Variants in PRKDC observed in about 807,000 individuals in gnomAD.
PRKDC encodes protein kinase, DNA-activated, catalytic subunit, also known as DNA-dependent protein kinase catalytic subunit.
PRKDC carries 82 observed loss-of-function variants against 486.9 expected under a neutral mutation model. The ratio of observed to expected loss-of-function variants is 0.17; its 90% CI spans 0.14 to 0.20. The LOEUF (loss-of-function observed/expected upper bound fraction) is 0.20, where lower values mean the gene tolerates loss of function less well. Among genes scored for constraint, PRKDC ranks in the 10% least tolerant of loss-of-function variants. PRKDC has a pLI of 1.00. For missense variants in PRKDC, 4,504 were observed against 5,038.2 expected (o/e 0.89, Z 3.21); for synonymous variants, 1,895 against 1,837.0 (o/e 1.03, Z -0.81).
chr8:47,927,167 A>ACACAT, intron 21 of PRKDC, 27 bp downstream of exon 21: 2 of 1,602,450 alleles, frequency 1.2e-6, no homozygotes, highest in South Asian at 2.2e-5. Context: ...TAATTACAAT[A>ACACAT]CACATCACAA....
intron 32 of PRKDC, among the ~76,000 whole-genome samples, chr8:47,889,817 T>C (rs2089418574): frequency 6.6e-6 from 1 of 152,206 alleles, no homozygotes; most frequent in Non-Finnish European, 1.5e-5. Context: ...TCATGATGAC[T>C]GTAGTTAATA....
intron 50 of PRKDC, among the ~76,000 whole-genome samples, 199 bp from the exon 51 acceptor site, chr8:47,854,413 G>A (rs1209920676): frequency 2.0e-5 from 3 of 152,108 alleles, no homozygotes; most frequent in Admixed American, 6.5e-5. Context: ...ATCTCGGCTT[G>A]CTGCAAGCTC....
chr8:47,882,865 T>C (rs74527265), intron 36 of PRKDC, among the ~76,000 whole-genome samples: 2,502 of 152,346 alleles, frequency 0.016, 57 homozygotes, highest in Non-Finnish European at 0.018. Context: ...CTCTTTTCAA[T>C]GTGTCTGTCA....
rs891743378 is a variant in PRKDC at position 47,905,570 on chromosome 8, C to T, written c.2935-594G>A. Among the ~76,000 whole-genome samples the T allele has an allele frequency of 4.9e-4, 75 of 152,152 alleles. 1 individual carries two copies. Among genetic ancestry groups the T allele is most frequent in the African/African-American group, 1.7e-3 (69 of 41,454 alleles). On this transcript the variant is annotated intron_variant, in intron 25 of 85. Coordinates refer to ENST00000314191, the MANE Select transcript of PRKDC (RefSeq NM_006904.7). ...ATAACAACCCTGTGGTTCCCCACAG[C>T]CTAACTGTCTCCCCTTGTGGTGACA...
Position 47,828,200 on chromosome 8 carries a change from A to C in PRKDC, c.8545T>G (p.Ser2849Ala). The C allele has an allele frequency of 1.2e-6, 2 of 1,613,858 alleles. No individual in the cohort carries two copies. Among genetic ancestry groups the C allele is most frequent in the Non-Finnish European group, 1.7e-6 (2 of 1,179,790 alleles). ...DFNRFLNTTF[S>A]FFPPFVSCIQ... is the part of the protein sequence containing the mutation. ...CAAGAGACAAAGGGTGGAAAGAAAG[A>C]GAAGGTGGTATTAAGAAAACGATTG... The change falls in exon 62 of 86, where the codon TCT becomes GCT. Residue 2849 changes from serine (S) to alanine (A), a missense_variant. Physicochemically the swap from Ser to Ala is moderately conservative, Grantham distance 99. Coordinates refer to ENST00000314191, the MANE Select transcript of PRKDC (RefSeq NM_006904.7).
intron 14 of PRKDC, 34 bp downstream of exon 14, chr8:47,934,975 G>T: frequency 1.4e-6 from 2 of 1,447,742 alleles, no homozygotes; most frequent in South Asian, 2.6e-5. Flanking sequence ...AGTGATAACA[G>T]ATTAATTTTC....
intron 76 of PRKDC, among the ~76,000 whole-genome samples, chr8:47,785,871 G>A (rs536270724): frequency 6.6e-6 from 1 of 152,140 alleles, no homozygotes. Flanking sequence ...TTGGGAGGCC[G>A]AGGCAGGTGG....
At chr8:47,858,753 A>C (rs1372763246) in intron 47 of PRKDC, 96 bp downstream of exon 47, 7 of 1,485,846 alleles carry the variant, frequency 4.7e-6, no homozygotes, top group Non-Finnish European at 6.3e-6. Flanking sequence ...CATTTATTTG[A>C]TAAGCAGTTT....
chr8:47,844,052 C>T (rs1288974528), intron 54 of PRKDC, among the ~76,000 whole-genome samples: 1 of 152,286 alleles, frequency 6.6e-6, no homozygotes, highest in South Asian at 2.1e-4. Context: ...TCAATATAAA[C>T]CTTGAATGTA....
chr8:47,850,564 C>T (rs1318484780), intron 52 of PRKDC, among the ~76,000 whole-genome samples: 2 of 152,166 alleles, frequency 1.3e-5, no homozygotes, highest in Non-Finnish European at 2.9e-5. Flanking sequence ...AAACCCTTAA[C>T]ACAAAACCAC....
intron 40 of PRKDC, among the ~76,000 whole-genome samples, chr8:47,871,247 C>T (rs1057220827): frequency 5.3e-5 from 8 of 151,982 alleles, no homozygotes; most frequent in African/African-American, 1.9e-4. Flanking sequence ...TATAGAGCAC[C>T]AAGCAGATTT....
At chr8:47,958,890 C>T (rs1438173756) in intron 1 of PRKDC, among the ~76,000 whole-genome samples, 1 of 152,122 alleles carries the variant, frequency 6.6e-6, no homozygotes, top group Admixed American at 6.6e-5. Context: ...CGCTCGCCAC[C>T]ATGCCCAGTT....
At chr8:47,787,503 G>A (rs151303568) in intron 76 of PRKDC, among the ~76,000 whole-genome samples, 142 of 152,318 alleles carry the variant, frequency 9.3e-4, no homozygotes, top group African/African-American at 3.3e-3. Flanking sequence ...TTCTTTGAAC[G>A]AATGCAAGTT....
At position 47,789,057 on chromosome 8, in the gene PRKDC, G is replaced by A. The variant is rs1589696399; in HGVS notation, c.10759-8C>T. 3.1e-6 allele frequency: 5 copies of A among 1,608,514 alleles called. No homozygotes were observed. The highest frequency in any genetic ancestry group is 1.7e-5 in the Admixed American group (1 of 59,210). On this transcript the variant is annotated splice_region_variant and splice_polypyrimidine_tract_variant and intron_variant, in intron 75 of 85. Coordinates refer to ENST00000314191, the MANE Select transcript of PRKDC (RefSeq NM_006904.7). ...TACATCATTGCTCCAATCCTGTCAG[G>A]GGAAAAAAAAAGTAAGAAAAAAATC...
rs201440042 is a variant in PRKDC, at chr8:47,937,650, C to CCT, written c.1114-1135_1114-1134dup. ...GGTGCACCTCTTCAGATCCATTTCCCCTCTCCTGCCTATCATGCTCTAGCC... is the reference window on the plus strand; with the variant it reads ...GGTGCACCTCTTCAGATCCATTTCCCCTCTCTCCTGCCTATCATGCTCTAGCC... On this transcript the variant is annotated intron_variant, in intron 11 of 85. Coordinates refer to ENST00000314191, the MANE Select transcript of PRKDC (RefSeq NM_006904.7). 9.5e-3 allele frequency among the ~76,000 whole-genome samples: 1,440 copies of CCT among 152,302 alleles called. 12 individuals carry two copies. The highest frequency in any genetic ancestry group is 0.016 in the Non-Finnish European group (1,066 of 68,030).
At chr8:47,897,078 C>A in intron 30 of PRKDC, 83 bp downstream of exon 30, 1 of 1,368,328 alleles carries the variant, frequency 7.3e-7, no homozygotes, top group South Asian at 1.6e-5. Context: ...GCAATGATAC[C>A]CAATTACTCA....
At chr8:47,817,384 G>C in intron 68 of PRKDC, 66 bp downstream of exon 68, 1 of 1,157,332 alleles carries the variant, frequency 8.6e-7, no homozygotes, top group South Asian at 1.4e-5. Flanking sequence ...CCATGGTTTG[G>C]AAGAAAAACC....
At chr8:47,939,235 C>T (rs979983576) in intron 11 of PRKDC, among the ~76,000 whole-genome samples, 4 of 152,174 alleles carry the variant, frequency 2.6e-5, no homozygotes, top group South Asian at 4.1e-4. Context: ...TCAGTACATG[C>T]GGGAGGGATT....
At position 47,778,575 on chromosome 8, in the gene PRKDC, T is replaced by C. The variant is rs1184746828; in HGVS notation, c.11737A>G (p.Ile3913Val). 3.7e-6 allele frequency: 6 copies of C among 1,613,822 alleles called. No individual in the cohort carries two copies. The highest frequency in any genetic ancestry group is 5.1e-6 in the Non-Finnish European group (6 of 1,179,810). Residue 3913 changes from isoleucine to valine, a missense_variant, in exon 83 of 86, where the codon ATC (isoleucine) becomes GTC (valine). Ile to Val is a conservative substitution (Grantham distance 29, BLOSUM62 3). This residue lies in a region of PRKDC where 706 missense variants were observed against 945.0 expected (regional missense o/e 0.75). Transcript: ENST00000314191. ...HFASSHALICISHWILGIGDR... is the reference protein window; with the variant it reads ...HFASSHALICVSHWILGIGDR... ...CCAATCCCGAGGATCCAGTGGCTGATGCATATCAGAGCGTGAGAGCTGGCG... is the reference window on the plus strand; with the variant it reads ...CCAATCCCGAGGATCCAGTGGCTGACGCATATCAGAGCGTGAGAGCTGGCG...
Sources: gnomAD v4.1 joint callset for allele counts (sites outside exome capture counted in the v4.1 genomes callset) on GRCh38, gnomAD v4.1.1 for gene constraint, gnomAD v4.1.1 regional missense constraint, MANE v1.5 for transcripts, NCBI Gene and HGNC (gene_info 2026-07-23, HGNC 2026-07-21) for gene names.